The following VWC2L variants were observed in gnomAD, a reference collection of about 807,000 sequenced individuals.
VWC2L encodes the protein von Willebrand factor C domain-containing protein 2-like.
A neutral mutation model predicts 21.6 loss-of-function variants in VWC2L; 10 were observed. That is an observed-to-expected ratio of 0.46 (90% CI 0.29 to 0.78). The LOEUF is 0.78. VWC2L is among the 30% of genes least tolerant of loss of function. VWC2L has a pLI of 0.10. For missense variants in VWC2L, 209 were observed against 277.1 expected (o/e 0.75, Z 1.74); for synonymous variants, 96 against 94.3 (o/e 1.02, Z -0.10).
At chr2:214,550,688 T>C (rs1446694739) in intron 3 of VWC2L, among the ~76,000 whole-genome samples, 1 of 152,204 alleles carries the variant, frequency 6.6e-6, no homozygotes, top group Non-Finnish European at 1.5e-5. Context: ...TGTTTATATA[T>C]AAATATATGC....
chr2:214,551,420 T>A (rs1432358868), intron 3 of VWC2L, among the ~76,000 whole-genome samples: 1 of 152,206 alleles, frequency 6.6e-6, no homozygotes, highest in Non-Finnish European at 1.5e-5. Context: ...AGTCTCAGAT[T>A]TTATAATCAG....
intron 3 of VWC2L, among the ~76,000 whole-genome samples, chr2:214,569,664 G>T (rs1690120667): frequency 6.6e-6 from 1 of 152,028 alleles, no homozygotes; most frequent in African/African-American, 2.4e-5. Flanking sequence ...ATCATGTTAT[G>T]CCTCACTCAT....
In VWC2L at chr2:214,516,817, CTGTGATCTTAATACAAGTTAG is replaced by C. The variant is rs1689151822; in HGVS notation, c.521-58854_521-58834del. 1.3e-5 allele frequency among the ~76,000 whole-genome samples: 2 copies of C among 152,184 alleles called. 1 individual carries two copies. The highest frequency in any genetic ancestry group is 4.1e-4 in the South Asian group (2 of 4,826). On this transcript the variant is annotated intron_variant, in intron 3 of 3. Coordinates refer to ENST00000312504, the MANE Select transcript of VWC2L (RefSeq NM_001080500.4). ...GTCCCAGGTCTAGCAACTATGAGCCCTGTGATCTTAATACAAGTTAGAAACTTCTCTAAGCCTCACTTTCCT... is the reference window on the plus strand; with the variant it reads ...GTCCCAGGTCTAGCAACTATGAGCCCAAACTTCTCTAAGCCTCACTTTCCT...
At chr2:214,535,157 A>G (rs1689506379) in intron 3 of VWC2L, among the ~76,000 whole-genome samples, 1 of 152,140 alleles carries the variant, frequency 6.6e-6, no homozygotes, top group South Asian at 2.1e-4. Flanking sequence ...TCTGCTTTAA[A>G]TCATATGCAA....
chr2:214,526,928 T>A (rs1689348421), intron 3 of VWC2L, among the ~76,000 whole-genome samples: 1 of 152,162 alleles, frequency 6.6e-6, no homozygotes, highest in South Asian at 2.1e-4. Context: ...ACAGCACTAT[T>A]CACAATAGCA....
At chr2:214,575,034 TAAAAAAAAAA>T (rs3046806) in intron 3 of VWC2L, among the ~76,000 whole-genome samples, 18 of 118,446 alleles carry the variant, frequency 1.5e-4, no homozygotes, top group Admixed American at 2.7e-4. Context: ...GGTCATTCTT[TAAAAAAAAAA>T]AAAAAAAAAA....
chr2:214,570,975 A>T (rs887194499), intron 3 of VWC2L, among the ~76,000 whole-genome samples: 1 of 152,168 alleles, frequency 6.6e-6, no homozygotes, highest in Non-Finnish European at 1.5e-5. Flanking sequence ...GGGAAGTCTA[A>T]CTGCCCAAGC....
chr2:214,575,177 G>T (rs554347198), intron 3 of VWC2L, among the ~76,000 whole-genome samples: 1 of 152,226 alleles, frequency 6.6e-6, no homozygotes, highest in South Asian at 2.1e-4. Context: ...AAACAAGCTG[G>T]GGATTCCAGG....
chr2:214,460,586 C>A (rs762686620), intron 3 of VWC2L, among the ~76,000 whole-genome samples: 2 of 152,068 alleles, frequency 1.3e-5, no homozygotes, highest in Non-Finnish European at 2.9e-5. Flanking sequence ...GTATTTTTCA[C>A]TCACTGGATT....
chr2:214,555,353 A>C (rs1275622787), intron 3 of VWC2L, among the ~76,000 whole-genome samples: 4 of 152,196 alleles, frequency 2.6e-5, no homozygotes, highest in Admixed American at 6.6e-5. Context: ...ATATGTTATC[A>C]GGACCTGTTG....
At chr2:214,486,339 G>A (rs1182282791) in intron 3 of VWC2L, among the ~76,000 whole-genome samples, 1 of 152,198 alleles carries the variant, frequency 6.6e-6, no homozygotes, top group Non-Finnish European at 1.5e-5. Context: ...ATGCATGTGA[G>A]TTACCACCAT....
At chr2:214,567,953 G>C (rs889269203) in intron 3 of VWC2L, among the ~76,000 whole-genome samples, 2 of 152,182 alleles carry the variant, frequency 1.3e-5, no homozygotes, top group Non-Finnish European at 2.9e-5. Flanking sequence ...GATTTTGTAT[G>C]AGCTTCCTAC....
At chr2:214,511,625 G>A (rs1231107544) in intron 3 of VWC2L, among the ~76,000 whole-genome samples, 1 of 152,058 alleles carries the variant, frequency 6.6e-6, no homozygotes, top group Non-Finnish European at 1.5e-5. Context: ...GAACTTCCCA[G>A]TTTCTAGAAC....
intron 3 of VWC2L, among the ~76,000 whole-genome samples, chr2:214,439,592 T>C (rs1702733494): frequency 6.6e-6 from 1 of 151,998 alleles, no homozygotes; most frequent in Non-Finnish European, 1.5e-5. Flanking sequence ...GCTTATTATC[T>C]TGGCTGTCAA....
intron 3 of VWC2L, among the ~76,000 whole-genome samples, chr2:214,500,403 C>T (rs900721088): frequency 3.3e-5 from 5 of 152,208 alleles, no homozygotes; most frequent in African/African-American, 1.2e-4. Flanking sequence ...GTTCTGGCAT[C>T]CTACTTTCTT....
At chr2:214,498,475 T>C (rs1021373314) in intron 3 of VWC2L, among the ~76,000 whole-genome samples, 1 of 152,092 alleles carries the variant, frequency 6.6e-6, no homozygotes, top group African/African-American at 2.4e-5. Context: ...TATGCTTGAA[T>C]CCTCAATATT....
intron 3 of VWC2L, among the ~76,000 whole-genome samples, chr2:214,481,512 ACCAAAAGAATAACTGT>A (rs1688603418): frequency 6.6e-6 from 1 of 152,184 alleles, no homozygotes. Context: ...CTCAAAAAAG[ACCAAAAGAATAACTGT>A]CCAGTCAACC....
rs550366241 is a variant in VWC2L, at chr2:214,451,915, C to T, written c.520+15157C>T. On this transcript the variant is annotated intron_variant, in intron 3 of 3. Coordinates refer to ENST00000312504, the MANE Select transcript of VWC2L (RefSeq NM_001080500.4). Reference sequence around the variant, plus strand: ...GAACTGTACATTTTTAAAATATTTCCTGTTCTGACATGTATACCTGTGAAA... The same window carrying T: ...GAACTGTACATTTTTAAAATATTTCTTGTTCTGACATGTATACCTGTGAAA... Among the ~76,000 whole-genome samples, 329 of 152,146 alleles carry T rather than the reference C, an allele frequency of 2.2e-3. 2 individuals are homozygous for T. The highest frequency in any genetic ancestry group is 7.6e-3 in the African/African-American group (314 of 41,508).
intron 3 of VWC2L, among the ~76,000 whole-genome samples, chr2:214,454,593 A>AATTTC (rs1703025674): frequency 5.0e-5 from 3 of 59,768 alleles, no homozygotes; most frequent in African/African-American, 2.0e-4. Context: ...ACATTGATTG[A>AATTTC]TTTTCTTTTT....
Sources: gnomAD v4.1 joint callset for allele counts (sites outside exome capture counted in the v4.1 genomes callset) on GRCh38, gnomAD v4.1.1 for gene constraint, MANE v1.5 for transcripts, NCBI Gene and HGNC (gene_info 2026-07-23, HGNC 2026-07-21) for gene names.